ASIC2: variants seen among roughly 807,000 people sequenced by gnomAD.
The protein encoded by ASIC2 is acid sensing ion channel subunit 2.
Under a neutral mutation model 57.3 loss-of-function variants are expected in ASIC2, and 25 were observed. The observed-to-expected ratio is 0.44, with a 90% CI of 0.32 to 0.61. The LOEUF is 0.61. Ranked by LOEUF, ASIC2 falls within the 20% of genes least tolerant of loss-of-function variation. The pLI is 0.06. For missense variants in ASIC2, 641 were observed against 738.1 expected (o/e 0.87, Z 1.52); for synonymous variants, 319 against 307.5 (o/e 1.04, Z -0.39).
chr17:33,241,219 G>C (rs1331978790), intron 1 of ASIC2, among the ~76,000 whole-genome samples: 2 of 152,176 alleles, frequency 1.3e-5, no homozygotes, highest in Non-Finnish European at 2.9e-5. Context: ...TGGGTTAACT[G>C]AGTATTGGGT....
intron 1 of ASIC2, among the ~76,000 whole-genome samples, chr17:33,725,518 A>G (rs183194833): frequency 7.9e-5 from 12 of 152,302 alleles, no homozygotes; most frequent in Non-Finnish European, 1.5e-4. Context: ...AGTTAATTCC[A>G]GCTTGTAAGA....
chr17:33,501,617 G>C (rs929306505), intron 1 of ASIC2, among the ~76,000 whole-genome samples: 1 of 152,208 alleles, frequency 6.6e-6, no homozygotes, highest in Admixed American at 6.5e-5. Context: ...TCGAATCCGT[G>C]TTGGAAACAC....
intron 1 of ASIC2, among the ~76,000 whole-genome samples, chr17:33,768,137 C>A (rs1293705822): frequency 2.2e-4 from 33 of 151,986 alleles, no homozygotes; most frequent in Admixed American, 2.0e-3. Context: ...GCCTCCCCAG[C>A]AGCTGGGACT....
chr17:33,599,013 G>A (rs537293153), intron 1 of ASIC2, among the ~76,000 whole-genome samples: 3 of 152,162 alleles, frequency 2.0e-5, no homozygotes, highest in South Asian at 2.1e-4. Flanking sequence ...AAAGGGCTGC[G>A]CCTGTATGCA....
Position 33,260,816 on chromosome 17 carries a change from G to A in ASIC2, c.708+30592C>T, listed in dbSNP as rs543218748. On this transcript the variant is annotated intron_variant, in intron 1 of 9. Coordinates refer to ENST00000225823, the MANE Select transcript of ASIC2 (RefSeq NM_183377.2). Reference sequence around the variant, plus strand: ...CCCTTGCTGACTGGCTCCTCACACCGTGCAGGTGCAGCCCCAGTGCGTCTG... The same window carrying A: ...CCCTTGCTGACTGGCTCCTCACACCATGCAGGTGCAGCCCCAGTGCGTCTG... Among the ~76,000 whole-genome samples the A allele has an allele frequency of 1.4e-3, 218 of 152,292 alleles. 1 individual carries two copies. Among genetic ancestry groups the A allele is most frequent in the South Asian group, 1.0e-3 (5 of 4,826 alleles).
chr17:33,047,314 G>A (rs553397855), intron 3 of ASIC2, among the ~76,000 whole-genome samples: 23 of 152,118 alleles, frequency 1.5e-4, no homozygotes, highest in African/African-American at 5.1e-4. Flanking sequence ...CACATGGGGC[G>A]GAGCTACTTT....
intron 1 of ASIC2, among the ~76,000 whole-genome samples, chr17:33,173,982 G>T (rs565175192): frequency 1.3e-5 from 2 of 152,266 alleles, no homozygotes; most frequent in East Asian, 3.9e-4. Flanking sequence ...GGCCCCACAA[G>T]TGCCTCTGCT....
At chr17:34,115,825 A>G (rs1911409494) in intron 1 of ASIC2, among the ~76,000 whole-genome samples, 2 of 152,200 alleles carry the variant, frequency 1.3e-5, no homozygotes, top group Non-Finnish European at 2.9e-5. Context: ...TTATTCAGGT[A>G]TATCTGCTTT....
chr17:33,552,428 C>T (rs1321147629), intron 1 of ASIC2, among the ~76,000 whole-genome samples: 2 of 152,180 alleles, frequency 1.3e-5, no homozygotes, highest in African/African-American at 2.4e-5. Context: ...ATGCTTTTTG[C>T]ACTGATTTTT....
chr17:33,036,976 G>A lies in ASIC2; in HGVS notation c.988-8584C>T, dbSNP rs530437644. Among the ~76,000 whole-genome samples the A allele has an allele frequency of 4.6e-5, 7 of 152,192 alleles. No homozygotes were observed. The East Asian group carries it at 1.3e-3, about 29-fold the overall frequency. Reference sequence around the variant, plus strand: ...GGAGGGAGAAGGGTGGGAGGAGGGAGAGGAGCAGAAAAGATAACTATTTGG... The same window carrying A: ...GGAGGGAGAAGGGTGGGAGGAGGGAAAGGAGCAGAAAAGATAACTATTTGG... On this transcript the variant is annotated intron_variant, in intron 3 of 9. Coordinates refer to ENST00000225823, the MANE Select transcript of ASIC2 (RefSeq NM_183377.2).
At chr17:33,500,917 G>A (rs1373891851) in intron 1 of ASIC2, among the ~76,000 whole-genome samples, 3 of 152,354 alleles carry the variant, frequency 2.0e-5, no homozygotes, top group South Asian at 2.1e-4. Context: ...TGTTTATAGC[G>A]TCCCGCTACA....
chr17:34,018,653 G>A (rs1237827628), intron 1 of ASIC2, among the ~76,000 whole-genome samples: 1 of 152,206 alleles, frequency 6.6e-6, no homozygotes, highest in African/African-American at 2.4e-5. Context: ...TTTGGAAGAA[G>A]TTGATTCCAA....
intron 1 of ASIC2, among the ~76,000 whole-genome samples, chr17:33,217,303 T>C (rs1187674523): frequency 6.6e-6 from 1 of 152,190 alleles, no homozygotes; most frequent in Non-Finnish European, 1.5e-5. Flanking sequence ...CTCAGGGATG[T>C]AAGGCTGAAC....
intron 1 of ASIC2, among the ~76,000 whole-genome samples, chr17:33,205,119 G>C (rs1217507007): frequency 6.6e-6 from 1 of 152,194 alleles, no homozygotes; most frequent in African/African-American, 2.4e-5. Flanking sequence ...TCTAAACCTT[G>C]CTCTGTGGAG....
At chr17:33,359,132 C>A (rs1908500339) in intron 1 of ASIC2, among the ~76,000 whole-genome samples, 1 of 152,192 alleles carries the variant, frequency 6.6e-6, no homozygotes, top group South Asian at 2.1e-4. Context: ...TGGCCTTGGC[C>A]ACCTAGCAAG....
intron 1 of ASIC2, among the ~76,000 whole-genome samples, chr17:33,672,280 G>A (rs1336109851): frequency 6.6e-6 from 1 of 152,258 alleles, no homozygotes; most frequent in East Asian, 1.9e-4. Flanking sequence ...ACATGTGGCT[G>A]CTCTACTACA....
At chr17:33,065,137 A>G (rs2092037760) in intron 3 of ASIC2, among the ~76,000 whole-genome samples, 1 of 152,144 alleles carries the variant, frequency 6.6e-6, no homozygotes, top group Non-Finnish European at 1.5e-5. Context: ...TACTGAAATT[A>G]ATGGCACATA....
At chr17:33,952,607 C>T (rs1186458780) in intron 1 of ASIC2, among the ~76,000 whole-genome samples, 2 of 152,114 alleles carry the variant, frequency 1.3e-5, no homozygotes, top group African/African-American at 2.4e-5. Flanking sequence ...CCAAATACAG[C>T]CTCATTTGCA....
At chr17:33,709,861 A>G (rs1908973121) in intron 1 of ASIC2, among the ~76,000 whole-genome samples, 1 of 152,198 alleles carries the variant, frequency 6.6e-6, no homozygotes, top group Admixed American at 6.5e-5. Flanking sequence ...CTATTCCTTT[A>G]TCTGTACCAT....
Sources: allele counts gnomAD v4.1 joint callset (sites outside exome capture counted in the v4.1 genomes callset), GRCh38; gene constraint gnomAD v4.1.1; transcripts MANE v1.5; gene names NCBI Gene and HGNC (gene_info 2026-07-23, HGNC 2026-07-21).